DDR1: variants seen among roughly 807,000 people sequenced by gnomAD.
The protein encoded by DDR1 is discoidin domain receptor tyrosine kinase 1, also known as epithelial discoidin domain-containing receptor 1.
In DDR1, 64 loss-of-function variants were observed where a neutral mutation model predicts 97.4. The observed-to-expected ratio is 0.66, with a 90% CI of 0.54 to 0.81. The LOEUF (loss-of-function observed/expected upper bound fraction) is 0.81, where lower values mean the gene tolerates loss of function less well. Ranked by LOEUF, DDR1 falls within the 30% of genes least tolerant of loss-of-function variation. DDR1 has a pLI of 0.00. For missense variants in DDR1, 990 were observed against 1,259.6 expected (o/e 0.79, Z 3.24); for synonymous variants, 458 against 503.7 (o/e 0.91, Z 1.21).
chr6:30,896,081 C>T (rs1230697879), intron 12 of DDR1, among the ~76,000 whole-genome samples: 1 of 151,692 alleles, frequency 6.6e-6, no homozygotes, highest in Non-Finnish European at 1.5e-5. Flanking sequence ...GCAGCTGTTA[C>T]CCTCCCTCCT....
chr6:30,891,262 C>A lies in DDR1; in HGVS notation c.566-118C>A. The A allele has an allele frequency of 1.4e-6, 2 of 1,419,260 alleles. No individual in the cohort carries two copies. The highest frequency in any genetic ancestry group is 1.9e-6 in the Non-Finnish European group (2 of 1,029,674). 87.9% of individuals were successfully genotyped at this position (1,419,260 alleles called of 1,614,324 possible). On this transcript the variant is annotated intron_variant, in intron 5 of 17. Transcript: ENST00000376568. The surrounding 1 kb of genome is among the most constrained non-coding windows in gnomAD (Gnocchi z 5.3). Reference sequence around the variant, plus strand: ...GGGGGCTAGCCAGCATTGTCTCCTCCATGCCAATGAGCCAGTGGAGAGATA... The same window carrying A: ...GGGGGCTAGCCAGCATTGTCTCCTCAATGCCAATGAGCCAGTGGAGAGATA...
Position 30,890,545 on chromosome 6 carries a change from G to T in DDR1, c.418-428G>T, listed in dbSNP as rs1004137285. On this transcript the variant is annotated intron_variant, in intron 4 of 17. Transcript: ENST00000376568. This position sits in a 1 kb window ranked among gnomAD's most constrained non-coding sequence, Gnocchi z 5.0. ...CAGTCCTACAAGGGTGGGGAGTGAC[G>T]TTCACCACTGAGAACGCGCCTGGCA... The T allele has an allele frequency of 1.2e-5, 2 of 166,334 alleles. No homozygotes were observed. Among genetic ancestry groups the T allele is most frequent in the Admixed American group, 1.3e-4 (2 of 15,682 alleles). 10.3% of individuals were successfully genotyped at this position (166,334 alleles called of 1,614,324 possible).
rs770421290 is a variant in DDR1 at position 30,889,004 on chromosome 6, A to C, written c.182A>C (p.His61Pro). ...SSWSDSTAAR[H>P]SRLESSDGDG... is the part of the protein sequence containing the mutation. ...TGGTCAGATTCCACTGCCGCCCGCC[A>C]CAGCAGGTACTTGGCACACCTGGCA... is the stretch of plus-strand genomic sequence containing the variant. Residue 61 changes from histidine to proline, a missense_variant, in exon 3 of 18, where the codon CAC becomes CCC. Coordinates refer to ENST00000376568, the MANE Select transcript of DDR1 (RefSeq NM_001297654.2). The surrounding 1 kb of genome is among the most constrained non-coding windows in gnomAD (Gnocchi z 4.9). 1 of 1,612,932 alleles carries C rather than the reference A, an allele frequency of 6.2e-7. No individual in the cohort carries two copies. Among genetic ancestry groups the C allele is most frequent in the South Asian group, 1.1e-5 (1 of 91,060 alleles).
chr6:30,889,539 A>G lies in DDR1; in HGVS notation c.417+109A>G. The G allele has an allele frequency of 2.6e-6, 2 of 781,850 alleles. No individual in the cohort carries two copies. The highest frequency in any genetic ancestry group is 3.8e-6 in the Non-Finnish European group (2 of 520,116). The allele number at this position is 781,850 out of a possible 1,614,324, so 48.4% of individuals were successfully genotyped here. A position where few individuals can be genotyped will look rare whatever the true frequency, so the allele number is the denominator to read the frequency against. ...ACTCTCCAGTTTATATCATCTCCAG[A>G]CTAAGCCTCTCAGCTGAGCTCCAAA... On this transcript the variant is annotated intron_variant, in intron 4 of 17. Transcript: ENST00000376568. This position sits in a 1 kb window ranked among gnomAD's most constrained non-coding sequence, Gnocchi z 4.9.
In DDR1 at chr6:30,898,991, A is replaced by T. The variant is rs1302010670; in HGVS notation, c.2555A>T (p.Gln852Leu). ...CCCTTTGGGCAGCTCACCGACGAGC[A>T]GGTCATCGAGAACGCGGGGGAGTTC... ...AQPFGQLTDE[Q>L]VIENAGEFFR... is the part of the protein sequence containing the mutation. Residue 852 changes from glutamine (Q) to leucine (L), a missense_variant, in exon 17 of 18, where the codon CAG (glutamine) becomes CTG (leucine). Gln to Leu is a moderately radical substitution (Grantham distance 113). Coordinates refer to ENST00000376568, the MANE Select transcript of DDR1 (RefSeq NM_001297654.2). 6.2e-7 allele frequency: 1 copy of T among 1,614,050 alleles called. No homozygotes were observed. Among genetic ancestry groups the T allele is most frequent in the African/African-American group, 1.3e-5 (1 of 74,918 alleles).
In DDR1 at chr6:30,890,751, G is replaced by A; in HGVS notation, c.418-222G>A. 1 of 497,380 alleles carries A rather than the reference G, an allele frequency of 2.0e-6. No homozygotes were observed. The highest frequency in any genetic ancestry group is 3.3e-5 in the East Asian group (1 of 29,944). The allele number at this position is 497,380 out of a possible 1,614,324, so 30.8% of individuals were successfully genotyped here. ...GGAGAAGAGGGCAGCTGAGCCTGAAGTCTGAGGATGGAACATCAGAGCTGC... is the reference window on the plus strand; with the variant it reads ...GGAGAAGAGGGCAGCTGAGCCTGAAATCTGAGGATGGAACATCAGAGCTGC... On this transcript the variant is annotated intron_variant, in intron 4 of 17. Transcript: ENST00000376568. This position sits in a 1 kb window ranked among gnomAD's most constrained non-coding sequence, Gnocchi z 5.0.
chr6:30,885,037 C>T (rs1785271073), intron 1 of DDR1: 1 of 612,220 alleles, frequency 1.6e-6, no homozygotes, highest in African/African-American at 1.8e-5. Context: ...ACTGAGTCAG[C>T]TCATCTATCG....
chr6:30,885,090 A>T, intron 1 of DDR1: 1 of 1,054,782 alleles, frequency 9.5e-7, no homozygotes, highest in Non-Finnish European at 1.4e-6. Context: ...TCTAACTGCT[A>T]AGCCTCCGCT....
rs1792220985 is a variant in DDR1 at position 30,899,558 on chromosome 6, A to C, written c.*262A>C. On this transcript the variant is annotated 3_prime_UTR_variant, in exon 18 of 18. Coordinates refer to ENST00000376568, the MANE Select transcript of DDR1 (RefSeq NM_001297654.2). ...CCACCCAGCTGGTCCTGTGGATGGG[A>C]TCCTCTCCACCCTCCTCTAGCCATC... 2 of 550,210 alleles carry C rather than the reference A, an allele frequency of 3.6e-6. No homozygotes were observed. The highest frequency in any genetic ancestry group is 6.4e-6 in the Non-Finnish European group (2 of 312,316). The allele number at this position is 550,210 out of a possible 1,614,324, so 34.1% of individuals were successfully genotyped here.
chr6:30,887,007 T>G (rs2150253577), intron 1 of DDR1: 1 of 152,368 alleles, frequency 6.6e-6, no homozygotes, highest in East Asian at 1.9e-4. Flanking sequence ...AAAAGGCAGA[T>G]TTTGATTGAG....
Position 30,892,515 on chromosome 6 carries a change from C to A in DDR1, c.1072C>A (p.Leu358Ile), listed in dbSNP as rs1161994283. ...CRFLFAGPWL[L>I]FSEISFISDV... is the part of the protein sequence containing the mutation. ...CTTCCTCTTTGCGGGGCCCTGGTTA[C>A]TCTTCAGCGAAATCTCCTTCATCTC... is the stretch of plus-strand genomic sequence containing the variant. The change falls in exon 8 of 18, where the codon CTC becomes ATC. Residue 358 changes from leucine (L) to isoleucine (I), a missense_variant. Transcript: ENST00000376568. 8 of 1,600,640 alleles carry A rather than the reference C, an allele frequency of 5.0e-6. No individual in the cohort carries two copies. Among genetic ancestry groups the A allele is most frequent in the African/African-American group, 1.3e-5 (1 of 74,588 alleles).
At position 30,889,379 on chromosome 6, in the gene DDR1, C is replaced by T. The variant is rs150635026; in HGVS notation, c.366C>T (p.Tyr122=). The part of the protein sequence containing the change: ...KEFSRSYRLR[Y]SRDGRRWMGW... ...TCTCCCGGAGCTACCGGCTGCGTTA[C>T]TCCCGGGATGGTCGCCGCTGGATGG... Residue 122 remains tyrosine, a synonymous_variant, in exon 4 of 18, where the codon TAC becomes TAT. Transcript: ENST00000376568. This position sits in a 1 kb window ranked among gnomAD's most constrained non-coding sequence, Gnocchi z 4.9. 21 of 1,601,530 alleles carry T rather than the reference C, an allele frequency of 1.3e-5. No homozygotes were observed. The highest frequency in any genetic ancestry group is 1.7e-5 in the Admixed American group (1 of 59,002).
Position 30,891,408 on chromosome 6 carries a change from G to A in DDR1, c.594G>A (p.Val198=), listed in dbSNP as rs1182366164. 6.2e-7 allele frequency: 1 copy of A among 1,612,980 alleles called. No individual in the cohort carries two copies. Among genetic ancestry groups the A allele is most frequent in the East Asian group, 2.2e-5 (1 of 44,888 alleles). The stretch of plus-strand genomic sequence containing the variant: ...GACTCCTGTCTTACACCGCCCCTGT[G>A]GGGCAGACAATGTATTTATCTGAGG... The part of the protein sequence containing the change: ...RDGLLSYTAP[V]GQTMYLSEAV... Residue 198 remains valine (V), a synonymous_variant, in exon 6 of 18, where the codon GTG becomes GTA. Transcript: ENST00000376568. The surrounding 1 kb of genome is among the most constrained non-coding windows in gnomAD (Gnocchi z 5.3).
chr6:30,890,990 G>C lies in DDR1; in HGVS notation c.435G>C (p.Glu145Asp). ...GCCCACAGGTGATCTCAGGCAATGA[G>C]GACCCTGAGGGAGTGGTGCTGAAGG... is the stretch of plus-strand genomic sequence containing the variant. ...RWGQEVISGN[E>D]DPEGVVLKDL... The change falls in exon 5 of 18, where the codon GAG (glutamate) becomes GAC (aspartate). Residue 145 changes from glutamate to aspartate, a missense_variant. By Grantham distance (45) the Glu-to-Asp change is conservative. Coordinates refer to ENST00000376568, the MANE Select transcript of DDR1 (RefSeq NM_001297654.2). This position sits in a 1 kb window ranked among gnomAD's most constrained non-coding sequence, Gnocchi z 5.0. 1 of 1,608,392 alleles carries C rather than the reference G, an allele frequency of 6.2e-7. No homozygotes were observed. Among genetic ancestry groups the C allele is most frequent in the Non-Finnish European group, 8.5e-7 (1 of 1,177,634 alleles).
At chr6:30,896,328 C>T (rs1167892245) in intron 12 of DDR1, among the ~76,000 whole-genome samples, 1 of 151,882 alleles carries the variant, frequency 6.6e-6, no homozygotes, top group African/African-American at 2.4e-5. Flanking sequence ...CAAGATTTAT[C>T]TCACAGTCTC....
chr6:30,885,513 G>C, intron 1 of DDR1: 1 of 1,240,716 alleles, frequency 8.1e-7, no homozygotes, highest in Non-Finnish European at 1.1e-6. Flanking sequence ...ATGTGTGTTA[G>C]AGGCTGGGCC....
In DDR1 at chr6:30,892,008, G is replaced by T; in HGVS notation, c.672G>T (p.Gln224His). 6.2e-7 allele frequency: 1 copy of T among 1,614,020 alleles called. No homozygotes were observed. ...TYDGHTVGGL[Q>H]YGGLGQLADG... ...TTGGTCCCCTCTTCTCCAGACTGCA[G>T]TATGGGGGTCTGGGCCAGCTGGCAG... Residue 224 changes from glutamine (Q) to histidine (H), a missense_variant, in exon 7 of 18, where the codon CAG (glutamine) becomes CAT (histidine). Physicochemically the swap from Gln to His is conservative, Grantham distance 24. Coordinates refer to ENST00000376568, the MANE Select transcript of DDR1 (RefSeq NM_001297654.2).
chr6:30,885,637 G>C, intron 1 of DDR1: 2 of 1,354,470 alleles, frequency 1.5e-6, no homozygotes, highest in Non-Finnish European at 1.9e-6. Flanking sequence ...GTCTGAAGGT[G>C]GCTATTCACT....
In DDR1 at chr6:30,897,023, T is replaced by G. The variant is rs774586111; in HGVS notation, c.1879T>G (p.Cys627Gly). The change falls in exon 14 of 18, where the codon TGT becomes GGT. Residue 627 changes from cysteine (C) to glycine (G), a missense_variant. Cys to Gly is a radical substitution (Grantham distance 159, BLOSUM62 -3). Coordinates refer to ENST00000376568, the MANE Select transcript of DDR1 (RefSeq NM_001297654.2). This position sits in a 1 kb window ranked among gnomAD's most constrained non-coding sequence, Gnocchi z 5.2. The part of the protein sequence containing the change: ...GEGQFGEVHL[C>G]EVDSPQDLVS... ...GAACTTCTTTCTCCAGGTGCACCTGTGTGAGGTCGACAGCCCTCAAGATCT... is the reference window on the plus strand; with the variant it reads ...GAACTTCTTTCTCCAGGTGCACCTGGGTGAGGTCGACAGCCCTCAAGATCT... The G allele has an allele frequency of 1.2e-5, 19 of 1,612,290 alleles. No individual in the cohort carries two copies. In the South Asian group the frequency reaches 1.8e-4, roughly 15 times the overall value.
Sources: gnomAD v4.1 joint callset for allele counts (sites outside exome capture counted in the v4.1 genomes callset) on GRCh38, gnomAD v4.1.1 for gene constraint, Gnocchi (gnomAD v3.1) non-coding constraint, MANE v1.5 for transcripts, NCBI Gene and HGNC (gene_info 2026-07-23, HGNC 2026-07-21) for gene names.